The following POC5 variants were observed in gnomAD, a reference collection of about 807,000 sequenced individuals.
The protein encoded by POC5 is centrosomal protein POC5.
POC5 carries 48 observed loss-of-function variants against 62.9 expected under a neutral mutation model. The ratio of observed to expected loss-of-function variants is 0.76; its 90% CI spans 0.61 to 0.97. The LOEUF is 0.97. Ranked by LOEUF, POC5 falls within the 50% of genes least tolerant of loss-of-function variation. The pLI, the probability that POC5 is intolerant of heterozygous loss-of-function variation, is 0.00. For synonymous variants in POC5, 236 were observed against 228.2 expected (o/e 1.03, Z -0.31); for missense variants, 696 against 679.5 (o/e 1.02, Z -0.27).
In POC5 at chr5:75,688,157, A is replaced by G. The variant is rs572476001; in HGVS notation, c.1129+855T>C. On this transcript the variant is annotated intron_variant, in intron 9 of 11. Coordinates refer to ENST00000428202, the MANE Select transcript of POC5 (RefSeq NM_001099271.2). ...AGGGCATCACAAGCACAGAGAAGTTATTCATTGGATTGAAATCATGTTAAT... is the reference window on the plus strand; with the variant it reads ...AGGGCATCACAAGCACAGAGAAGTTGTTCATTGGATTGAAATCATGTTAAT... Among the ~76,000 whole-genome samples the G allele has an allele frequency of 3.3e-5, 5 of 152,372 alleles. No individual in the cohort carries two copies. The South Asian group carries it at 1.0e-3, about 32-fold the overall frequency.
chr5:75,689,695 T>G (rs935285875), intron 8 of POC5: 51 of 983,160 alleles, frequency 5.2e-5, no homozygotes, highest in Non-Finnish European at 5.7e-5. Flanking sequence ...GAAAATTATT[T>G]GTATTATGGA....
Position 75,684,363 on chromosome 5 carries a change from A to ATTTTTTTTTTTTTTTTTTT in POC5, c.1407+825_1407+843dup, listed in dbSNP as rs749361349. Among the ~76,000 whole-genome samples the ATTTTTTTTTTTTTTTTTTT allele has an allele frequency of 7.5e-4, 100 of 132,700 alleles. 3 individuals are homozygous for ATTTTTTTTTTTTTTTTTTT. The highest frequency in any genetic ancestry group is 2.5e-3 in the African/African-American group (90 of 35,520). 87.1% of individuals were successfully genotyped at this position (132,700 alleles called of 152,430 possible). A position where few individuals can be genotyped will look rare whatever the true frequency, so the allele number is the denominator to read the frequency against. ...AAATTAAATCTACTTTTCCTACATA[A>ATTTTTTTTTTTTTTTTTTT]TTTTTTTTTTTTTTTTTTTGCGACG... is the stretch of plus-strand genomic sequence containing the variant. On this transcript the variant is annotated intron_variant, in intron 10 of 11. Coordinates refer to ENST00000428202, the MANE Select transcript of POC5 (RefSeq NM_001099271.2).
rs760667470 is a variant in POC5, at chr5:75,694,776, C to T, written c.569G>A (p.Arg190Gln). The T allele has an allele frequency of 3.0e-5, 47 of 1,579,402 alleles. No homozygotes were observed. The highest frequency in any genetic ancestry group is 8.5e-5 in the Admixed American group (5 of 59,156). ...TTCTTTCTCTTTTCTCATTTCCATT[C>T]GGTGCCAGTCAATAAAATTAAGTCT... ...KWRLNFIDWH[R>Q]MEMRKEKEKH... is the part of the protein sequence containing the mutation. The change falls in exon 6 of 12, where the codon CGA becomes CAA. Residue 190 changes from arginine to glutamine, a missense_variant. By Grantham distance (43) the Arg-to-Gln change is conservative. Transcript: ENST00000428202.
chr5:75,677,930 G>A lies in POC5; in HGVS notation c.1428C>T (p.Thr476=). 1.9e-6 allele frequency: 3 copies of A among 1,594,086 alleles called. No individual in the cohort carries two copies. The highest frequency in any genetic ancestry group is 1.7e-6 in the Non-Finnish European group (2 of 1,170,270). Residue 476 remains threonine (T), a synonymous_variant, in exon 11 of 12, where the codon ACC becomes ACT. Transcript: ENST00000428202. ...TTCTTCCTGCTTTCTGTTGTGCAGAGGTTACAACTCTTGGCACATACTAAG... is the reference window on the plus strand; with the variant it reads ...TTCTTCCTGCTTTCTGTTGTGCAGAAGTTACAACTCTTGGCACATACTAAG... ...SEEMYVPRVV[T]SAQQKAGRTI...
In POC5 at chr5:75,701,369, A is replaced by G. The variant is rs1267571053; in HGVS notation, c.513+1236T>C. Among the ~76,000 whole-genome samples, 2 of 126,622 alleles carry G rather than the reference A, an allele frequency of 1.6e-5. 1 individual carries two copies. The highest frequency in any genetic ancestry group is 3.5e-5 in the Non-Finnish European group (2 of 57,562). 83.1% of individuals were successfully genotyped at this position (126,622 alleles called of 152,430 possible). ...GATTAAGAAAATGTGGCACATATAC[A>G]CCATGGAATACTATGCAGCCATAAA... On this transcript the variant is annotated intron_variant, in intron 5 of 11. Coordinates refer to ENST00000428202, the MANE Select transcript of POC5 (RefSeq NM_001099271.2).
intron 5 of POC5, among the ~76,000 whole-genome samples, chr5:75,697,047 G>A (rs191829775): frequency 1.3e-5 from 2 of 152,250 alleles, no homozygotes; most frequent in Admixed American, 1.3e-4. Flanking sequence ...AAGAAATATG[G>A]GACTACGTGA....
chr5:75,682,481 A>G (rs1775903570), intron 10 of POC5, among the ~76,000 whole-genome samples: 1 of 151,794 alleles, frequency 6.6e-6, no homozygotes, highest in South Asian at 2.1e-4. Flanking sequence ...ACAGCTGAAA[A>G]TATGTCAGAG....
intron 10 of POC5, among the ~76,000 whole-genome samples, chr5:75,683,663 A>C (rs1279119073): frequency 6.6e-6 from 1 of 151,966 alleles, no homozygotes; most frequent in African/African-American, 2.4e-5. Flanking sequence ...CAGGAGGCTA[A>C]GGAGTTAGAG....
At chr5:75,687,219 A>G (rs1324204107) in intron 9 of POC5, among the ~76,000 whole-genome samples, 1 of 151,944 alleles carries the variant, frequency 6.6e-6, no homozygotes, top group African/African-American at 2.4e-5. Context: ...TTTAGTAGAG[A>G]CGGGATTTCA....
chr5:75,717,199 G>A (rs996925041), intron 1 of POC5, 107 bp downstream of exon 1: 1 of 152,442 alleles, frequency 6.6e-6, no homozygotes, highest in African/African-American at 2.4e-5. Flanking sequence ...GCGGTCTGGG[G>A]AAGAGCCCAG....
intron 5 of POC5, 128 bp from the exon 6 acceptor site, chr5:75,694,959 G>T (rs1345144991): frequency 1.6e-5 from 10 of 641,890 alleles, no homozygotes; most frequent in Non-Finnish European, 2.5e-5. Flanking sequence ...AAAACAATTG[G>T]AACACATTAA....
At chr5:75,701,162 C>G (rs1293748285) in intron 5 of POC5, among the ~76,000 whole-genome samples, 5 of 138,238 alleles carry the variant, frequency 3.6e-5, no homozygotes, top group Non-Finnish European at 8.1e-5. Context: ...GTCAGTGTGG[C>G]GATTCCTCAG....
chr5:75,691,543 A>G (rs1455357062), intron 7 of POC5, among the ~76,000 whole-genome samples: 2 of 152,308 alleles, frequency 1.3e-5, no homozygotes, highest in African/African-American at 4.8e-5. Context: ...AATTTTGTGC[A>G]TAAGGTGTGA....
At position 75,676,579 on chromosome 5, in the gene POC5, CT is replaced by C. The variant is rs932854592; in HGVS notation, c.1584+1194del. ...AAAGGATTTAAAATCATTCCATATA[CT>C]TTTTTTTTGCTAATACTTAGAAAGT... On this transcript the variant is annotated intron_variant, in intron 11 of 11. Coordinates refer to ENST00000428202, the MANE Select transcript of POC5 (RefSeq NM_001099271.2). Among the ~76,000 whole-genome samples the C allele has an allele frequency of 2.6e-5, 4 of 151,490 alleles. No homozygotes were observed. The East Asian group carries it at 5.8e-4, about 22-fold the overall frequency.
intron 5 of POC5, among the ~76,000 whole-genome samples, chr5:75,697,360 A>AGCAGAAACTCTACAAG (rs1776651299): frequency 6.6e-6 from 1 of 151,980 alleles, no homozygotes; most frequent in African/African-American, 2.4e-5. Flanking sequence ...CTGATCTCTC[A>AGCAGAAACTCTACAAG]GCAGAAACTC....
At chr5:75,707,516 T>C (rs1319661635) in intron 3 of POC5, 1 of 407,052 alleles carries the variant, frequency 2.5e-6, no homozygotes, top group Non-Finnish European at 4.4e-6. Context: ...TTATTCTTCA[T>C]AAAAGTAAGA....
Position 75,685,250 on chromosome 5 carries a change from G to C in POC5, c.1364C>G (p.Ala455Gly). Residue 455 changes from alanine (A) to glycine (G), a missense_variant, in exon 10 of 12, where the codon GCT becomes GGT. Physicochemically the swap from Ala to Gly is moderately conservative, Grantham distance 60 (BLOSUM62 0). Transcript: ENST00000428202. ...AGTAGCTGCAGATCCTGCACCAAGA[G>C]CAGAAACAGGAACGTGAACAGAAGA... ...SASSVHVPVS[A>G]LGAGSAATAA... 6.2e-7 allele frequency: 1 copy of C among 1,613,946 alleles called. No individual in the cohort carries two copies. The highest frequency in any genetic ancestry group is 1.3e-5 in the African/African-American group (1 of 75,066).
In POC5 at chr5:75,674,225, C is replaced by T; in HGVS notation, c.*210G>A. The T allele has an allele frequency of 2.7e-6, 1 of 374,966 alleles. No individual in the cohort carries two copies. Among genetic ancestry groups the T allele is most frequent in the Admixed American group, 4.2e-5 (1 of 23,556 alleles). The allele number at this position is 374,966 out of a possible 1,614,324, so 23.2% of individuals were successfully genotyped here. On this transcript the variant is annotated 3_prime_UTR_variant, in exon 12 of 12. Coordinates refer to ENST00000428202, the MANE Select transcript of POC5 (RefSeq NM_001099271.2). The stretch of plus-strand genomic sequence containing the variant: ...TCTTTTTTAATTTAAAAAAGTTTTA[C>T]TTAATTGCTTAAATAAAAAATAACA...
chr5:75,685,228 A>T lies in POC5; in HGVS notation c.1386T>A (p.Ala462=). The T allele has an allele frequency of 6.2e-7, 1 of 1,613,384 alleles. No individual in the cohort carries two copies. The change falls in exon 10 of 12, where the codon GCT becomes GCA. Residue 462 remains alanine (A), a synonymous_variant. Transcript: ENST00000428202. ...TAACCATTTCTTCTGATGCAGCAGT[A>T]GCTGCAGATCCTGCACCAAGAGCAG... ...PVSALGAGSA[A]TAASEEMYVP...
Sources: allele counts gnomAD v4.1 joint callset (sites outside exome capture counted in the v4.1 genomes callset), GRCh38; gene constraint gnomAD v4.1.1; transcripts MANE v1.5; gene names NCBI Gene and HGNC (gene_info 2026-07-23, HGNC 2026-07-21).